COPB1: variants seen among roughly 807,000 people sequenced by gnomAD.
COPB1 encodes coatomer subunit beta.
COPB1 carries 21 observed loss-of-function variants against 108.7 expected under a neutral mutation model. The ratio of observed to expected loss-of-function variants is 0.19; its 90% CI spans 0.14 to 0.28. The LOEUF (loss-of-function observed/expected upper bound fraction) is 0.28. Ranked by LOEUF, COPB1 falls within the 10% of genes least tolerant of loss-of-function variation. The pLI, the probability that COPB1 is intolerant of heterozygous loss-of-function variation, is 1.00. For missense variants in COPB1, 919 were observed against 1,141.3 expected, an observed-to-expected ratio of 0.81 and a Z score of 2.81; for synonymous variants, 378 against 386.8, an observed-to-expected ratio of 0.98 and a Z score of 0.27.
In COPB1 at chr11:14,490,609, T is replaced by A. The variant is rs754186768; in HGVS notation, c.562A>T (p.Ser188Cys). ...HDFLVNEKDASCKRNAFMMLI... is the reference protein window; with the variant it reads ...HDFLVNEKDACCKRNAFMMLI... ...ATCATAAATGCATTCCTTTTGCAAC[T>A]TGCATCCTTCTCATTCACCAGAAAA... Residue 188 changes from serine (S) to cysteine (C), a missense_variant, in exon 5 of 22, where the codon AGT (serine) becomes TGT (cysteine). Coordinates refer to ENST00000439561, the MANE Select transcript of COPB1 (RefSeq NM_001144061.2). 1 of 1,613,200 alleles carries A rather than the reference T, an allele frequency of 6.2e-7. No individual in the cohort carries two copies. The highest frequency in any genetic ancestry group is 8.5e-7 in the Non-Finnish European group (1 of 1,179,704).
At chr11:14,487,601 G>A (rs1344630502) in intron 6 of COPB1, among the ~76,000 whole-genome samples, 1 of 152,028 alleles carries the variant, frequency 6.6e-6, no homozygotes, top group Non-Finnish European at 1.5e-5. Flanking sequence ...CTTGAGCCCA[G>A]GAGGTAGAGG....
chr11:14,460,374 T>A, intron 19 of COPB1, 77 bp from the exon 20 acceptor site: 2 of 882,032 alleles, frequency 2.3e-6, no homozygotes, highest in South Asian at 1.6e-5. Context: ...TATGTCATAT[T>A]AAAAACTTGT....
At chr11:14,476,060 C>T in intron 12 of COPB1, 115 bp from the exon 13 acceptor site, 1 of 823,022 alleles carries the variant, frequency 1.2e-6, no homozygotes, top group Non-Finnish European at 1.8e-6. Flanking sequence ...ATTTTTGGAA[C>T]TGGGAACTCT....
At chr11:14,478,900 T>C (rs747471826) in intron 11 of COPB1, 17 of 139,304 alleles carry the variant, frequency 1.2e-4, no homozygotes, top group Non-Finnish European at 1.8e-4. Flanking sequence ...CTTAATGTCA[T>C]AGCTCTTTTA....
At chr11:14,464,774 G>T in intron 18 of COPB1, 137 bp downstream of exon 18, 2 of 918,020 alleles carry the variant, frequency 2.2e-6, no homozygotes, top group Non-Finnish European at 3.2e-6. Flanking sequence ...TTCAATGCGT[G>T]GTACCATAGA....
chr11:14,460,341 A>G lies in COPB1; in HGVS notation c.2557-44T>C, dbSNP rs572981167. 2.4e-4 allele frequency: 302 copies of G among 1,257,620 alleles called. 1 individual carries two copies. The South Asian group carries it at 3.5e-3, about 15-fold the overall frequency. 77.9% of individuals were successfully genotyped at this position (1,257,620 alleles called of 1,614,324 possible). ...AGTCAAGGAGATCATAAATCTTACTATGAGAAAGCTGTGAATCACCAGTAT... is the reference window on the plus strand; with the variant it reads ...AGTCAAGGAGATCATAAATCTTACTGTGAGAAAGCTGTGAATCACCAGTAT... On this transcript the variant is annotated intron_variant, in intron 19 of 21. Coordinates refer to ENST00000439561, the MANE Select transcript of COPB1 (RefSeq NM_001144061.2).
intron 4 of COPB1, among the ~76,000 whole-genome samples, 177 bp from the exon 5 acceptor site, chr11:14,490,856 C>T (rs1251582042): frequency 1.3e-5 from 2 of 151,054 alleles, no homozygotes; most frequent in Non-Finnish European, 2.9e-5. Flanking sequence ...GTGGTGCGAT[C>T]TCAGCTCACT....
intron 2 of COPB1, 175 bp from the exon 3 acceptor site, chr11:14,494,614 C>G (rs1379657265): frequency 3.6e-6 from 2 of 552,786 alleles, no homozygotes; most frequent in African/African-American, 3.8e-5. Flanking sequence ...ACCAAATAAT[C>G]TGTCTTTGCT....
Position 14,494,451 on chromosome 11 carries a change from A to AT in COPB1, c.92-13dup. 7.4e-7 allele frequency: 1 copy of AT among 1,354,372 alleles called. No individual in the cohort carries two copies. The highest frequency in any genetic ancestry group is 1.0e-6 in the Non-Finnish European group (1 of 985,862). 83.9% of individuals were successfully genotyped at this position (1,354,372 alleles called of 1,614,324 possible). A position where few individuals can be genotyped will look rare whatever the true frequency, so the allele number is the denominator to read the frequency against. ...TACATCTCCTTTTTCTGAATCAAAA[A>AT]TTTTTTTAAAAAAAAGCACAATTAT... On this transcript the variant is annotated splice_polypyrimidine_tract_variant and intron_variant, in intron 2 of 21. Transcript: ENST00000439561.
intron 14 of COPB1, chr11:14,474,133 G>T (rs1274992727): frequency 1.2e-5 from 2 of 169,424 alleles, no homozygotes; most frequent in African/African-American, 4.8e-5. Context: ...GACATTCTGG[G>T]ATAAAACAGA....
intron 17 of COPB1, 46 bp downstream of exon 17, chr11:14,466,236 G>C (rs571236056): frequency 6.3e-7 from 1 of 1,587,736 alleles, no homozygotes; most frequent in East Asian, 2.2e-5. Context: ...CTGTCATAAA[G>C]ATCTACTATG....
chr11:14,497,665 T>C (rs980928371), intron 2 of COPB1, among the ~76,000 whole-genome samples: 1 of 152,278 alleles, frequency 6.6e-6, no homozygotes, highest in East Asian at 1.9e-4. Flanking sequence ...AGGGGTACCA[T>C]ACGATTCAGC....
At chr11:14,460,420 A>G in intron 19 of COPB1, 123 bp from the exon 20 acceptor site, 1 of 598,268 alleles carries the variant, frequency 1.7e-6, no homozygotes, top group Non-Finnish European at 2.9e-6. Context: ...AGACACCAAG[A>G]AACTAAATAA....
intron 6 of COPB1, among the ~76,000 whole-genome samples, chr11:14,487,168 T>G (rs971637652): frequency 6.6e-6 from 1 of 152,264 alleles, no homozygotes; most frequent in South Asian, 2.1e-4. Context: ...CTGATACCTT[T>G]ACTTGTATAG....
intron 7 of COPB1, 39 bp downstream of exon 7, chr11:14,486,328 T>A: frequency 6.2e-7 from 1 of 1,610,460 alleles, no homozygotes; most frequent in Non-Finnish European, 8.5e-7. Context: ...AGACAGAAAA[T>A]CTATCATCTA....
intron 11 of COPB1, among the ~76,000 whole-genome samples, chr11:14,477,306 C>T (rs1008471438): frequency 1.3e-4 from 19 of 142,908 alleles, no homozygotes; most frequent in Non-Finnish European, 2.4e-4. Context: ...ATGGCGGGAA[C>T]CCATTCTCGG....
At chr11:14,483,222 C>T (rs924534978) in intron 7 of COPB1, 71 bp from the exon 8 acceptor site, 45 of 985,530 alleles carry the variant, frequency 4.6e-5, no homozygotes, top group African/African-American at 7.8e-5. Context: ...AGCATGCGCG[C>T]GCACACCACA....
intron 6 of COPB1, 142 bp from the exon 7 acceptor site, chr11:14,486,646 C>T (rs1850783000): frequency 1.0e-6 from 1 of 1,003,160 alleles, no homozygotes; most frequent in African/African-American, 1.6e-5. Context: ...ATGAAAATAT[C>T]AGACAAAATG....
At chr11:14,467,462 C>A (rs1850309370) in intron 16 of COPB1, among the ~76,000 whole-genome samples, 1 of 151,992 alleles carries the variant, frequency 6.6e-6, no homozygotes, top group Non-Finnish European at 1.5e-5. Context: ...GTGTAGCTAC[C>A]ATGAAAAACA....
Sources: allele counts gnomAD v4.1 joint callset (sites outside exome capture counted in the v4.1 genomes callset), GRCh38; gene constraint gnomAD v4.1.1; transcripts MANE v1.5; gene names NCBI Gene and HGNC (gene_info 2026-07-23, HGNC 2026-07-21).